HS3ST5: variants seen among roughly 807,000 people sequenced by gnomAD.
The protein encoded by HS3ST5 is heparan sulfate-glucosamine 3-sulfotransferase 5.
A neutral mutation model predicts 25.4 loss-of-function variants in HS3ST5; 10 were observed. The ratio of observed to expected loss-of-function variants is 0.39; its 90% CI spans 0.24 to 0.67. HS3ST5 has a LOEUF of 0.67. HS3ST5 is among the 30% of genes least tolerant of loss of function. The pLI is 0.44. For missense variants in HS3ST5, 324 were observed against 420.7 expected, an observed-to-expected ratio of 0.77 and a Z score of 2.01; for synonymous variants, 170 against 162.4, an observed-to-expected ratio of 1.05 and a Z score of -0.36.
intron 1 of HS3ST5, among the ~76,000 whole-genome samples, chr6:114,264,269 G>A (rs1009115138): frequency 1.3e-5 from 2 of 152,208 alleles, no homozygotes; most frequent in African/African-American, 4.8e-5. Context: ...TAAGCTCAAT[G>A]ATGAAAAACA....
At chr6:114,141,183 A>G (rs898181537) in intron 3 of HS3ST5, among the ~76,000 whole-genome samples, 3 of 152,144 alleles carry the variant, frequency 2.0e-5, no homozygotes, top group African/African-American at 7.2e-5. Context: ...GCAAATCTCC[A>G]CTTACCCAGA....
At chr6:114,337,595 T>C (rs936363129) in intron 1 of HS3ST5, among the ~76,000 whole-genome samples, 3 of 152,166 alleles carry the variant, frequency 2.0e-5, no homozygotes, top group Admixed American at 1.3e-4. Context: ...AAAACTACAT[T>C]AAGTTACAGC....
chr6:114,341,130 T>C (rs1014894619), intron 1 of HS3ST5, among the ~76,000 whole-genome samples: 3 of 144,930 alleles, frequency 2.1e-5, no homozygotes, highest in Admixed American at 6.9e-5. Flanking sequence ...CTGGTATTCG[T>C]ATTCGGAGAC....
At chr6:114,148,687 A>C (rs75757952) in intron 3 of HS3ST5, among the ~76,000 whole-genome samples, 2,247 of 152,290 alleles carry the variant, frequency 0.015, 64 homozygotes, top group African/African-American at 0.051. Context: ...AGGGATGCCG[A>C]CTTCATGACT....
At chr6:114,250,121 T>G (rs866278068) in intron 1 of HS3ST5, among the ~76,000 whole-genome samples, 13 of 152,288 alleles carry the variant, frequency 8.5e-5, no homozygotes, top group Non-Finnish European at 1.8e-4. Flanking sequence ...CTGAAAGTAC[T>G]TAGAGGGATT....
intron 3 of HS3ST5, among the ~76,000 whole-genome samples, chr6:114,079,221 A>G (rs1348333460): frequency 2.6e-5 from 4 of 152,190 alleles, no homozygotes. Flanking sequence ...CTTTTTATGA[A>G]AGAGTTTTCA....
intron 2 of HS3ST5, among the ~76,000 whole-genome samples, chr6:114,189,531 G>A (rs1339328843): frequency 6.6e-6 from 1 of 151,570 alleles, no homozygotes; most frequent in African/African-American, 2.4e-5. Flanking sequence ...AAAAATCTCT[G>A]CTATTTTCCA....
intron 1 of HS3ST5, among the ~76,000 whole-genome samples, chr6:114,303,993 A>T (rs56338330): frequency 6.6e-6 from 1 of 152,284 alleles, no homozygotes; most frequent in African/African-American, 2.4e-5. Flanking sequence ...TGTGGACCTC[A>T]GAGAAGAGAA....
intron 3 of HS3ST5, among the ~76,000 whole-genome samples, chr6:114,141,854 TAGTTTGTG>T (rs1404155519): frequency 8.3e-6 from 1 of 120,730 alleles, no homozygotes; most frequent in African/African-American, 3.1e-5. Context: ...TCTAAGATGA[TAGTTTGTG>T]TGTGTGTGTG....
intron 2 of HS3ST5, among the ~76,000 whole-genome samples, chr6:114,192,539 A>G (rs1780552907): frequency 6.6e-6 from 1 of 152,198 alleles, no homozygotes; most frequent in Non-Finnish European, 1.5e-5. Flanking sequence ...AGGAATTTGA[A>G]TAATGATACA....
chr6:114,082,633 A>C (rs1179598608), intron 3 of HS3ST5, among the ~76,000 whole-genome samples: 3 of 152,250 alleles, frequency 2.0e-5, no homozygotes, highest in Non-Finnish European at 4.4e-5. Context: ...CTGCAGTAGT[A>C]GAGAGAGACT....
At chr6:114,069,528 T>G (rs1203077986) in intron 3 of HS3ST5, among the ~76,000 whole-genome samples, 1 of 150,828 alleles carries the variant, frequency 6.6e-6, no homozygotes, top group African/African-American at 2.4e-5. Context: ...TTTTTTTTTT[T>G]TTTTTTTTTG....
chr6:114,308,968 C>A (rs574266544), intron 1 of HS3ST5, among the ~76,000 whole-genome samples: 1 of 152,068 alleles, frequency 6.6e-6, no homozygotes, highest in Non-Finnish European at 1.5e-5. Context: ...TCATGTTAAC[C>A]GGCAACTAGG....
At chr6:114,273,557 T>G (rs1184155175) in intron 1 of HS3ST5, among the ~76,000 whole-genome samples, 1 of 151,968 alleles carries the variant, frequency 6.6e-6, no homozygotes, top group African/African-American at 2.4e-5. Flanking sequence ...TCTAAGAGGT[T>G]AGGGACATGA....
At chr6:114,169,160 T>C (rs1353240569) in intron 2 of HS3ST5, among the ~76,000 whole-genome samples, 1 of 152,178 alleles carries the variant, frequency 6.6e-6, no homozygotes, top group Non-Finnish European at 1.5e-5. Flanking sequence ...TCTAAACAGA[T>C]TGTAGGACCC....
At chr6:114,336,524 T>A (rs1776618182) in intron 1 of HS3ST5, among the ~76,000 whole-genome samples, 1 of 152,178 alleles carries the variant, frequency 6.6e-6, no homozygotes. Flanking sequence ...ACGAAATCAC[T>A]TGAACCCAAG....
intron 1 of HS3ST5, among the ~76,000 whole-genome samples, chr6:114,258,398 T>G (rs1360618489): frequency 6.6e-6 from 1 of 152,148 alleles, no homozygotes; most frequent in African/African-American, 2.4e-5. Flanking sequence ...AGTATCAACT[T>G]CACAGCCATC....
intron 3 of HS3ST5, among the ~76,000 whole-genome samples, chr6:114,161,526 TATA>T (rs1778953351): frequency 4.4e-5 from 1 of 22,858 alleles, no homozygotes; most frequent in African/African-American, 2.6e-4. Context: ...AAGTTTTATA[TATA>T]TATATATATA....
chr6:114,336,988 T>A (rs1776636598), intron 1 of HS3ST5, among the ~76,000 whole-genome samples: 1 of 152,204 alleles, frequency 6.6e-6, no homozygotes, highest in Non-Finnish European at 1.5e-5. Flanking sequence ...TGTATGCCTT[T>A]TTAAAATAAA....
Sources: gnomAD v4.1 joint callset for allele counts (sites outside exome capture counted in the v4.1 genomes callset) on GRCh38, gnomAD v4.1.1 for gene constraint, MANE v1.5 for transcripts, NCBI Gene and HGNC (gene_info 2026-07-23, HGNC 2026-07-21) for gene names.